The following SLC8A1 variants were observed in gnomAD, a reference collection of about 807,000 sequenced individuals.
SLC8A1 encodes the protein solute carrier family 8 member A1, also known as sodium/calcium exchanger 1.
In SLC8A1, 18 loss-of-function variants were observed where a neutral mutation model predicts 68.3. The observed-to-expected ratio is 0.26, with a 90% confidence interval of 0.18 to 0.39. The LOEUF is 0.39. Among genes scored for constraint, SLC8A1 ranks in the 10% least tolerant of loss-of-function variants. The pLI is 1.00. For missense variants in SLC8A1, 985 were observed against 1,156.7 expected, an observed-to-expected ratio of 0.85 and a Z score of 2.15; for synonymous variants, 475 against 415.5, an observed-to-expected ratio of 1.14 and a Z score of -1.74.
At chr2:40,273,162 C>T (rs772700748) in intron 2 of SLC8A1, among the ~76,000 whole-genome samples, 2 of 152,026 alleles carry the variant, frequency 1.3e-5, no homozygotes, top group African/African-American at 2.4e-5. Context: ...AGGCTGGTCT[C>T]GAACTCCTGA....
chr2:40,492,007 T>C (rs957564857), intron 1 of SLC8A1, among the ~76,000 whole-genome samples: 17 of 152,110 alleles, frequency 1.1e-4, no homozygotes, highest in African/African-American at 3.6e-4. Context: ...AAAGTTCATA[T>C]GGAACCAAAA....
At chr2:40,187,651 A>C (rs1309423829) in intron 2 of SLC8A1, among the ~76,000 whole-genome samples, 15 of 149,402 alleles carry the variant, frequency 1.0e-4, no homozygotes, top group Non-Finnish European at 3.0e-5. Context: ...TGATTTTAGC[A>C]ATCAATTGTC....
intron 2 of SLC8A1, among the ~76,000 whole-genome samples, chr2:40,264,243 C>G (rs2065071094): frequency 6.6e-6 from 1 of 151,676 alleles, no homozygotes; most frequent in African/African-American, 2.4e-5. Context: ...CACTTTTACA[C>G]TGTTGGTGGG....
intron 2 of SLC8A1, among the ~76,000 whole-genome samples, chr2:40,196,713 A>T (rs2053110115): frequency 6.6e-6 from 1 of 152,014 alleles, no homozygotes; most frequent in African/African-American, 2.4e-5. Context: ...CTTAAAAAAT[A>T]ACCCTTTTCT....
chr2:40,131,110 A>G (rs1401185114), intron 7 of SLC8A1, among the ~76,000 whole-genome samples: 1 of 152,194 alleles, frequency 6.6e-6, no homozygotes, highest in Non-Finnish European at 1.5e-5. Context: ...TCTCTCATGT[A>G]ATCCTCACTA....
chr2:40,176,398 A>T (rs557805693), intron 3 of SLC8A1, among the ~76,000 whole-genome samples: 1 of 152,320 alleles, frequency 6.6e-6, no homozygotes, highest in South Asian at 2.1e-4. Flanking sequence ...TCTTTGGAGG[A>T]ATACATTGAG....
rs139081515 is a variant in SLC8A1 at position 40,465,075 on chromosome 2, G to C, written c.-24-34771C>G. On this transcript the variant is annotated intron_variant, in intron 1 of 7. Transcript: ENST00000402441. Reference sequence around the variant, plus strand: ...TATCTCTCTTCTTTGCAAATCTCTAGAGAAGAAGTTGTCAACTAGGGTTGT... The same window carrying C: ...TATCTCTCTTCTTTGCAAATCTCTACAGAAGAAGTTGTCAACTAGGGTTGT... 7.9e-3 allele frequency among the ~76,000 whole-genome samples: 1,200 copies of C among 152,260 alleles called. 9 individuals carry two copies. The highest frequency in any genetic ancestry group is 0.018 in the South Asian group (88 of 4,826).
intron 2 of SLC8A1, among the ~76,000 whole-genome samples, chr2:40,407,217 C>A (rs879595064): frequency 7.9e-5 from 12 of 152,134 alleles, no homozygotes; most frequent in Non-Finnish European, 1.5e-4. Flanking sequence ...AGGTGCCCAC[C>A]ACCGGGCATG....
chr2:40,116,409 C>T (rs2035400845), intron 7 of SLC8A1, among the ~76,000 whole-genome samples: 1 of 152,256 alleles, frequency 6.6e-6, no homozygotes, highest in African/African-American at 2.4e-5. Flanking sequence ...GTGTGCTGCA[C>T]CCACTAACTC....
chr2:40,351,900 A>G (rs1671218113), intron 2 of SLC8A1, among the ~76,000 whole-genome samples: 3 of 152,316 alleles, frequency 2.0e-5, no homozygotes, highest in Middle Eastern at 3.4e-3. Flanking sequence ...ACAATTTCAA[A>G]TTAAATGGTT....
intron 2 of SLC8A1, among the ~76,000 whole-genome samples, chr2:40,398,255 G>C (rs570556180): frequency 1.3e-5 from 2 of 152,066 alleles, no homozygotes; most frequent in Non-Finnish European, 2.9e-5. Flanking sequence ...TTGCTGATCT[G>C]GCCTCCAGTT....
At chr2:40,429,813 C>A (rs145993088) in exon 2 of SLC8A1, 1 of 1,613,632 alleles carries the variant, frequency 6.2e-7, no homozygotes, top group African/African-American at 1.3e-5. Flanking sequence ...TATGGCCACA[C>A]ACTTCAATTA....
intron 2 of SLC8A1, among the ~76,000 whole-genome samples, chr2:40,335,027 G>C (rs1665483054): frequency 6.6e-6 from 1 of 152,102 alleles, no homozygotes; most frequent in African/African-American, 2.4e-5. Flanking sequence ...ATCAACTCAT[G>C]GATCTCATTC....
chr2:40,117,840 A>T (rs931032974), intron 7 of SLC8A1, among the ~76,000 whole-genome samples: 4 of 152,170 alleles, frequency 2.6e-5, no homozygotes, highest in African/African-American at 9.7e-5. Flanking sequence ...TGGGGAAGAT[A>T]TGTACAGCAT....
At chr2:40,291,077 T>C (rs2069217268) in intron 2 of SLC8A1, among the ~76,000 whole-genome samples, 1 of 152,210 alleles carries the variant, frequency 6.6e-6, no homozygotes, top group South Asian at 2.1e-4. Flanking sequence ...CTAGTGATCA[T>C]AGTACAAACT....
chr2:40,381,151 T>C (rs1177675699), intron 2 of SLC8A1, among the ~76,000 whole-genome samples: 1 of 152,008 alleles, frequency 6.6e-6, no homozygotes. Flanking sequence ...AGCTGGTTGC[T>C]CCAAACATCA....
intron 2 of SLC8A1, among the ~76,000 whole-genome samples, chr2:40,267,810 G>A (rs2065538112): frequency 6.6e-6 from 1 of 152,100 alleles, no homozygotes; most frequent in African/African-American, 2.4e-5. Context: ...TGAGTTTCAG[G>A]TGTGCATCGA....
intron 2 of SLC8A1, among the ~76,000 whole-genome samples, chr2:40,420,615 T>G (rs563147022): frequency 6.6e-6 from 1 of 152,320 alleles, no homozygotes; most frequent in African/African-American, 2.4e-5. Flanking sequence ...TTCCCTTGCC[T>G]CTCAAACTCA....
intron 2 of SLC8A1, among the ~76,000 whole-genome samples, chr2:40,246,571 G>T (rs2061892822): frequency 6.6e-6 from 1 of 152,184 alleles, no homozygotes; most frequent in Non-Finnish European, 1.5e-5. Flanking sequence ...TGTGCAGTCA[G>T]TTCTTCTGCA....
Sources: gnomAD v4.1 joint callset for allele counts (sites outside exome capture counted in the v4.1 genomes callset) on GRCh38, gnomAD v4.1.1 for gene constraint, MANE v1.5 for transcripts, NCBI Gene and HGNC (gene_info 2026-07-23, HGNC 2026-07-21) for gene names.